The following FAM135B variants were observed in gnomAD, a reference collection of about 807,000 sequenced individuals.
FAM135B encodes the protein family with sequence similarity 135 member B.
FAM135B carries 43 observed loss-of-function variants against 127.7 expected under a neutral mutation model. The ratio of observed to expected loss-of-function variants is 0.34; its 90% CI spans 0.26 to 0.43. The LOEUF is 0.43. Ranked by LOEUF, FAM135B falls within the 20% of genes least tolerant of loss-of-function variation. FAM135B has a pLI of 1.00. For missense variants in FAM135B, 1,558 were observed against 1,725.6 expected, an observed-to-expected ratio of 0.90 and a Z score of 1.72; for synonymous variants, 670 against 665.1, an observed-to-expected ratio of 1.01 and a Z score of -0.11.
At position 138,415,422 on chromosome 8, in the gene FAM135B, T is replaced by C. The variant is rs1834087164; in HGVS notation, c.-19-47420A>G. ...CTCATAGCTCCCAGTTTAGCTCTCG[T>C]GGTGACAAAGACAAATGATTTAATC... On this transcript the variant is annotated intron_variant, in intron 1 of 19. Transcript: ENST00000395297. Among the ~76,000 whole-genome samples the C allele has an allele frequency of 2.0e-5, 3 of 152,156 alleles. No homozygotes were observed. In the South Asian group the frequency reaches 6.2e-4, roughly 32 times the overall value.
At chr8:138,391,887 A>G (rs1832597073) in intron 1 of FAM135B, among the ~76,000 whole-genome samples, 1 of 152,158 alleles carries the variant, frequency 6.6e-6, no homozygotes, top group Non-Finnish European at 1.5e-5. Flanking sequence ...AATTGGAACC[A>G]AGGCAGCCTG....
intron 11 of FAM135B, among the ~76,000 whole-genome samples, chr8:138,169,988 C>A (rs997589526): frequency 8.5e-5 from 13 of 152,138 alleles, no homozygotes; most frequent in African/African-American, 2.4e-4. Context: ...TAGGAATCAG[C>A]GCCTATCTCT....
At chr8:138,255,490 G>T (rs759282542) in intron 5 of FAM135B, among the ~76,000 whole-genome samples, 74 of 152,188 alleles carry the variant, frequency 4.9e-4, no homozygotes, top group Non-Finnish European at 9.7e-4. Flanking sequence ...AACTCATTCT[G>T]CAAAGGCCAT....
At chr8:138,266,687 G>A (rs1822961099) in intron 3 of FAM135B, among the ~76,000 whole-genome samples, 1 of 145,432 alleles carries the variant, frequency 6.9e-6, no homozygotes, top group Admixed American at 7.0e-5. Context: ...GCACTGCCCA[G>A]GGTTATTGTG....
At chr8:138,309,581 C>T (rs1587041761) in intron 3 of FAM135B, among the ~76,000 whole-genome samples, 1 of 152,298 alleles carries the variant, frequency 6.6e-6, no homozygotes, top group South Asian at 2.1e-4. Context: ...ACCAGGTCCC[C>T]CTCCAGATGT....
At chr8:138,306,408 C>G (rs1418421309) in intron 3 of FAM135B, among the ~76,000 whole-genome samples, 1 of 25,664 alleles carries the variant, frequency 3.9e-5, no homozygotes, top group Non-Finnish European at 2.2e-4. Context: ...ACACTCCAGT[C>G]TGGGAGACTG....
chr8:138,210,011 G>A (rs905107299), intron 7 of FAM135B, among the ~76,000 whole-genome samples: 3 of 152,086 alleles, frequency 2.0e-5, no homozygotes, highest in Non-Finnish European at 1.5e-5. Flanking sequence ...AAGAAGAAAT[G>A]GCCATCAGAT....
chr8:138,169,670 C>A (rs1231533409), intron 11 of FAM135B, among the ~76,000 whole-genome samples: 1 of 152,128 alleles, frequency 6.6e-6, no homozygotes, highest in Non-Finnish European at 1.5e-5. Context: ...AACTTCTGGA[C>A]CAGTTTTGGT....
chr8:138,269,162 C>A (rs557339744), intron 3 of FAM135B, among the ~76,000 whole-genome samples: 4 of 152,172 alleles, frequency 2.6e-5, no homozygotes, highest in South Asian at 4.1e-4. Context: ...CTTCTCCCCC[C>A]ACAAAATGAA....
At chr8:138,458,180 C>A (rs1374368355) in intron 1 of FAM135B, among the ~76,000 whole-genome samples, 1 of 152,070 alleles carries the variant, frequency 6.6e-6, no homozygotes, top group Non-Finnish European at 1.5e-5. Context: ...AGCATACATT[C>A]TTATGAGCAT....
intron 1 of FAM135B, among the ~76,000 whole-genome samples, chr8:138,406,579 T>C (rs1365747133): frequency 1.3e-5 from 2 of 151,964 alleles, no homozygotes; most frequent in African/African-American, 4.8e-5. Flanking sequence ...GTGGGCTTCA[T>C]CCCTGGGATG....
At chr8:138,206,818 C>A (rs1817711603) in intron 7 of FAM135B, among the ~76,000 whole-genome samples, 1 of 151,714 alleles carries the variant, frequency 6.6e-6, no homozygotes, top group Non-Finnish European at 1.5e-5. Flanking sequence ...TCCACCTACA[C>A]ACAACTCCAG....
At chr8:138,423,065 T>C (rs902621181) in intron 1 of FAM135B, among the ~76,000 whole-genome samples, 1 of 152,076 alleles carries the variant, frequency 6.6e-6, no homozygotes, top group Non-Finnish European at 1.5e-5. Flanking sequence ...AGTTAAACAC[T>C]GAGTACACAT....
intron 4 of FAM135B, 110 bp downstream of exon 4, chr8:138,265,593 G>A (rs1288964734): frequency 8.0e-7 from 1 of 1,250,756 alleles, no homozygotes; most frequent in Non-Finnish European, 1.1e-6. Flanking sequence ...ATCTCTGTCA[G>A]ATTTCAAAGT....
At chr8:138,390,244 C>T (rs1485441897) in intron 1 of FAM135B, among the ~76,000 whole-genome samples, 1 of 152,156 alleles carries the variant, frequency 6.6e-6, no homozygotes, top group African/African-American at 2.4e-5. Flanking sequence ...CCCATAACTC[C>T]TATGTGTTGT....
chr8:138,263,297 G>C (rs756736105), intron 4 of FAM135B, among the ~76,000 whole-genome samples: 1 of 152,064 alleles, frequency 6.6e-6, no homozygotes, highest in Non-Finnish European at 1.5e-5. Flanking sequence ...GCACACCGCC[G>C]GACACAGCCA....
At chr8:138,446,052 C>T (rs1836139183) in intron 1 of FAM135B, among the ~76,000 whole-genome samples, 1 of 152,116 alleles carries the variant, frequency 6.6e-6, no homozygotes, top group Admixed American at 6.5e-5. Flanking sequence ...CTCCCATTCA[C>T]AATCGCTTCA....
chr8:138,409,261 A>C (rs1440246194), intron 1 of FAM135B, among the ~76,000 whole-genome samples: 1 of 152,130 alleles, frequency 6.6e-6, no homozygotes, highest in Non-Finnish European at 1.5e-5. Context: ...GAGGAGAAAG[A>C]TGGGGGAAGG....
intron 11 of FAM135B, 152 bp downstream of exon 11, chr8:138,177,195 C>T: frequency 1.4e-6 from 1 of 730,066 alleles, no homozygotes; most frequent in African/African-American, 1.8e-5. Context: ...ATCTGTCTGA[C>T]TCTTTTGCCT....
Sources: gnomAD v4.1 joint callset for allele counts (sites outside exome capture counted in the v4.1 genomes callset) on GRCh38, gnomAD v4.1.1 for gene constraint, MANE v1.5 for transcripts, NCBI Gene and HGNC (gene_info 2026-07-23, HGNC 2026-07-21) for gene names.